PUDP: variants seen among roughly 807,000 people sequenced by gnomAD.
PUDP encodes the protein pseudouridine-5'-phosphatase.
PUDP carries 8 observed loss-of-function variants against 9.4 expected under a neutral mutation model. That is an observed-to-expected ratio of 0.85 (90% CI 0.50 to 1.53). The LOEUF is 1.53. PUDP is among the 40% of genes most tolerant of loss of function. The pLI, the probability that PUDP is intolerant of heterozygous loss-of-function variation, is 0.00. For missense variants in PUDP, 188 were observed against 189.7 expected (o/e 0.99, Z 0.05); for synonymous variants, 99 against 80.7 (o/e 1.23, Z -1.22).
intron 2 of PUDP, among the ~76,000 whole-genome samples, chrX:7,100,495 C>A (rs1261033942): frequency 8.9e-6 from 1 of 112,010 alleles, no homozygotes; most frequent in Non-Finnish European, 1.9e-5. Flanking sequence ...ACATACCCTA[C>A]CAGAAAATAC....
intron 1 of PUDP, among the ~76,000 whole-genome samples, chrX:7,120,386 T>C (rs1172302448): frequency 1.8e-5 from 2 of 110,813 alleles, no homozygotes; most frequent in Non-Finnish European, 3.8e-5. Flanking sequence ...TGGCGGCCAC[T>C]CTAGGAGCTG....
intron 3 of PUDP, among the ~76,000 whole-genome samples, chrX:6,876,872 T>C (rs1366610477): frequency 1.8e-5 from 2 of 110,141 alleles, no homozygotes; most frequent in Non-Finnish European, 3.8e-5. Flanking sequence ...TACACACACA[T>C]ATAAATATAG....
At chrX:7,038,143 C>A (rs964946152) in intron 1 of PUDP, among the ~76,000 whole-genome samples, 1 of 111,900 alleles carries the variant, frequency 8.9e-6, no homozygotes, top group Non-Finnish European at 1.9e-5. Flanking sequence ...ATCCTTTTAC[C>A]TTAATTTCCA....
chrX:7,142,359 C>T (rs1932804015), intron 1 of PUDP, among the ~76,000 whole-genome samples: 1 of 112,067 alleles, frequency 8.9e-6, no homozygotes, highest in African/African-American at 3.2e-5. Flanking sequence ...GGGTTCAAGA[C>T]TTCAGCAGAG....
At chrX:6,862,473 T>A (rs1259563816) in intron 3 of PUDP, among the ~76,000 whole-genome samples, 1 of 112,750 alleles carries the variant, frequency 8.9e-6, no homozygotes, top group African/African-American at 3.2e-5. Context: ...AAATGCTTTT[T>A]TTCCAACAAC....
intron 3 of PUDP, among the ~76,000 whole-genome samples, chrX:7,054,056 G>A (rs988168759): frequency 6.3e-5 from 7 of 111,990 alleles, no homozygotes; most frequent in African/African-American, 1.9e-4. Context: ...AGGGGGACTC[G>A]AATAAGCATG....
At chrX:6,903,936 T>TAA (rs1927728214) in intron 3 of PUDP, among the ~76,000 whole-genome samples, 1 of 106,066 alleles carries the variant, frequency 9.4e-6, no homozygotes, top group Non-Finnish European at 1.9e-5. Flanking sequence ...CCCCCAAGTT[T>TAA]AAAAAATATA....
chrX:6,833,902 C>T (rs994310073), intron 3 of PUDP, among the ~76,000 whole-genome samples: 7 of 112,302 alleles, frequency 6.2e-5, no homozygotes, highest in African/African-American at 1.9e-4. Flanking sequence ...TTTAAAATTA[C>T]ATTACCTCAT....
intron 2 of PUDP, among the ~76,000 whole-genome samples, chrX:7,086,308 T>C (rs1251213383): frequency 3.6e-5 from 4 of 112,573 alleles, no homozygotes; most frequent in Admixed American, 9.4e-5. Context: ...CCAAAGCATA[T>C]AGTATTCACA....
chrX:6,898,668 C>T (rs779472973), intron 3 of PUDP, among the ~76,000 whole-genome samples: 4 of 112,231 alleles, frequency 3.6e-5, no homozygotes, highest in East Asian at 2.8e-4. Flanking sequence ...CAGCCACAGG[C>T]GACACAGAAA....
At chrX:6,940,639 A>G (rs1349005660) in intron 3 of PUDP, among the ~76,000 whole-genome samples, 1 of 111,737 alleles carries the variant, frequency 8.9e-6, no homozygotes, top group African/African-American at 3.3e-5. Flanking sequence ...CCCACTGATT[A>G]AGAACTATGA....
intron 2 of PUDP, among the ~76,000 whole-genome samples, chrX:7,086,057 T>C (rs1997187): frequency 0.33 from 36,528 of 110,252 alleles, 4,694 homozygotes; most frequent in Middle Eastern, 0.47. Context: ...ACCCTCTTCC[T>C]GCTTTCTGCA....
downstream of PUDP, among the ~76,000 whole-genome samples, chrX:7,046,382 G>A (rs1791151170): frequency 8.9e-6 from 1 of 112,098 alleles, no homozygotes; most frequent in South Asian, 3.7e-4. Flanking sequence ...GGCCTGAGGA[G>A]GAACCAGCCC....
rs1204442545 is a variant in PUDP, at chrX:7,004,962, C to G, written c.205-26619G>C. On this transcript the variant is annotated intron_variant and NMD_transcript_variant, in intron 1 of 3. Transcript: ENST00000655425. ...CAATTCCAGTATCTTCCCTAAAGTT[C>G]TGACAAAAAGGAAAATAACTATCAA... Among the ~76,000 whole-genome samples the G allele has an allele frequency of 2.7e-5, 3 of 112,148 alleles. No homozygotes were observed. The Admixed American group carries it at 2.8e-4, about 11-fold the overall frequency.
chrX:7,112,225 C>T (rs752324075), intron 1 of PUDP, among the ~76,000 whole-genome samples: 4 of 111,768 alleles, frequency 3.6e-5, no homozygotes, highest in South Asian at 3.7e-4. Context: ...ATACTTAGTG[C>T]GACTCTTCAA....
chrX:6,728,052 C>G (rs1475293842), intron 3 of PUDP, among the ~76,000 whole-genome samples: 1 of 111,607 alleles, frequency 9.0e-6, no homozygotes. Context: ...AATGGACTCA[C>G]AGTTCCACCT....
At chrX:7,004,468 C>T (rs1474965976) in intron 1 of PUDP, among the ~76,000 whole-genome samples, 2 of 111,670 alleles carry the variant, frequency 1.8e-5, no homozygotes, top group East Asian at 5.6e-4. Context: ...ACGTGGCTTA[C>T]AAAGACTGAT....
intron 2 of PUDP, among the ~76,000 whole-genome samples, chrX:7,097,888 T>C (rs1180020109): frequency 8.9e-6 from 1 of 111,924 alleles, no homozygotes; most frequent in Non-Finnish European, 1.9e-5. Context: ...ATTACCTAAG[T>C]CAGCCTGAGG....
chrX:6,764,165 T>G (rs1205477640), intron 3 of PUDP, among the ~76,000 whole-genome samples: 2 of 111,629 alleles, frequency 1.8e-5, no homozygotes, highest in Non-Finnish European at 3.8e-5. Flanking sequence ...AATAGGATGG[T>G]AAAGGCAGAG....
Sources: allele counts gnomAD v4.1 joint callset (sites outside exome capture counted in the v4.1 genomes callset), GRCh38; gene constraint gnomAD v4.1.1; transcripts MANE v1.5; gene names NCBI Gene and HGNC (gene_info 2026-07-23, HGNC 2026-07-21).